Variants in UVRAG observed in about 807,000 individuals in gnomAD.
UVRAG encodes UV radiation resistance-associated gene protein.
UVRAG carries 19 observed loss-of-function variants against 78.0 expected under a neutral mutation model. The observed-to-expected ratio is 0.24, with a 90% CI of 0.17 to 0.36. The LOEUF is 0.36. Ranked by LOEUF, UVRAG falls within the 10% of genes least tolerant of loss-of-function variation. The pLI is 1.00. For synonymous variants in UVRAG, 323 were observed against 324.6 expected, an observed-to-expected ratio of 1.00 and a Z score of 0.05; for missense variants, 740 against 853.8, an observed-to-expected ratio of 0.87 and a Z score of 1.66.
chr11:75,852,510 A>G (rs1369372205), intron 2 of UVRAG, among the ~76,000 whole-genome samples: 2 of 152,314 alleles, frequency 1.3e-5, no homozygotes, highest in East Asian at 1.9e-4. Context: ...TTGATTAAAA[A>G]TGGCAACCAC....
At chr11:75,866,277 T>C (rs1034448161) in intron 3 of UVRAG, among the ~76,000 whole-genome samples, 2 of 151,530 alleles carry the variant, frequency 1.3e-5, no homozygotes, top group Non-Finnish European at 2.9e-5. Flanking sequence ...CCCAGTACTT[T>C]AGGAGGCTGA....
At chr11:76,025,092 C>G (rs1023829451) in intron 12 of UVRAG, among the ~76,000 whole-genome samples, 1 of 152,162 alleles carries the variant, frequency 6.6e-6, no homozygotes, top group African/African-American at 2.4e-5. Context: ...GTTTGAAACA[C>G]AGGCCTGGAC....
At chr11:75,980,997 T>C (rs548216838) in intron 7 of UVRAG, among the ~76,000 whole-genome samples, 1 of 152,300 alleles carries the variant, frequency 6.6e-6, no homozygotes, top group South Asian at 2.1e-4. Context: ...TTTATTTACC[T>C]TTTCAAAGAA....
At chr11:76,129,933 G>GCTCT (rs375415060) in intron 14 of UVRAG, among the ~76,000 whole-genome samples, 7 of 145,070 alleles carry the variant, frequency 4.8e-5, no homozygotes, top group African/African-American at 1.9e-4. Flanking sequence ...ACTCTCTCTC[G>GCTCT]CTCTCTCTCT....
At chr11:76,001,846 G>T (rs1323140830) in intron 8 of UVRAG, among the ~76,000 whole-genome samples, 5 of 152,160 alleles carry the variant, frequency 3.3e-5, no homozygotes, top group Admixed American at 3.3e-4. Flanking sequence ...AGATGGGGGG[G>T]CTTCTGCTTA....
At chr11:76,001,923 G>C (rs942319576) in intron 8 of UVRAG, among the ~76,000 whole-genome samples, 9 of 152,178 alleles carry the variant, frequency 5.9e-5, no homozygotes, top group Non-Finnish European at 1.0e-4. Flanking sequence ...TTATTTTTCA[G>C]CATGTTTAGT....
intron 13 of UVRAG, among the ~76,000 whole-genome samples, chr11:76,099,816 G>A (rs1591237152): frequency 6.6e-6 from 1 of 152,008 alleles, no homozygotes; most frequent in Non-Finnish European, 1.5e-5. Context: ...TTGTATTGAA[G>A]TATTTTATTG....
rs180748414 is a variant in UVRAG at position 75,906,968 on chromosome 11, T to C, written c.508-4986T>C. 1.7e-3 allele frequency among the ~76,000 whole-genome samples: 259 copies of C among 152,368 alleles called. 5 individuals are homozygous for C. The highest frequency in any genetic ancestry group is 5.7e-3 in the African/African-American group (239 of 41,590). On this transcript the variant is annotated intron_variant, in intron 5 of 14. Transcript: ENST00000356136. ...TTGGGATATGCGAATCTTCTAACTT[T>C]GTTCTCTTCAATATAATTTTGGCTA...
intron 13 of UVRAG, among the ~76,000 whole-genome samples, chr11:76,089,340 A>G (rs184569634): frequency 7.2e-5 from 11 of 152,284 alleles, no homozygotes; most frequent in African/African-American, 2.2e-4. Flanking sequence ...TCAAAGTGTT[A>G]TAGTGTTTTC....
intron 6 of UVRAG, among the ~76,000 whole-genome samples, chr11:75,951,910 C>A (rs1948711118): frequency 1.3e-5 from 2 of 152,072 alleles, no homozygotes; most frequent in Non-Finnish European, 2.9e-5. Flanking sequence ...ATTGGGATTG[C>A]TTTGGCTCTA....
At chr11:75,907,884 A>G (rs539816873) in intron 5 of UVRAG, among the ~76,000 whole-genome samples, 17 of 152,174 alleles carry the variant, frequency 1.1e-4, no homozygotes, top group Admixed American at 7.9e-4. Flanking sequence ...CATGGTGTAT[A>G]ATCTTTAAAA....
At chr11:75,938,099 A>T (rs972349253) in intron 6 of UVRAG, among the ~76,000 whole-genome samples, 2 of 150,892 alleles carry the variant, frequency 1.3e-5, no homozygotes, top group Non-Finnish European at 2.9e-5. Flanking sequence ...ACACACACAC[A>T]TATATATATT....
At chr11:75,970,912 A>G (rs1463277358) in intron 7 of UVRAG, among the ~76,000 whole-genome samples, 1 of 152,072 alleles carries the variant, frequency 6.6e-6, no homozygotes, top group African/African-American at 2.4e-5. Context: ...TTTACTCTTT[A>G]TGTTATACAG....
intron 6 of UVRAG, among the ~76,000 whole-genome samples, chr11:75,920,100 G>T (rs1253919396): frequency 8.0e-6 from 1 of 124,918 alleles, no homozygotes; most frequent in African/African-American, 3.1e-5. Context: ...ATTTTGGCTC[G>T]CTGCAACCTC....
At chr11:76,134,247 C>A (rs1207035896) in intron 14 of UVRAG, among the ~76,000 whole-genome samples, 2 of 151,190 alleles carry the variant, frequency 1.3e-5, no homozygotes, top group African/African-American at 4.9e-5. Flanking sequence ...AGGCATGAGC[C>A]ACCACACCTG....
rs1947749004 is a variant in UVRAG, at chr11:75,911,955, G to T, written c.509G>T (p.Gly170Val). The stretch of plus-strand genomic sequence containing the variant: ...AATTTGTTGGTTAATGTCTTTCAGG[G>T]TTATTCAAATGCTCAGAAGACTATT... ...GYYGAPFEHK[G>V]YSNAQKTILL... Residue 170 changes from glycine (G) to valine (V), a missense_variant and splice_region_variant, in exon 6 of 15, where the codon GGT (glycine) becomes GTT (valine). Coordinates refer to ENST00000356136, the MANE Select transcript of UVRAG (RefSeq NM_003369.4). 3.1e-6 allele frequency: 5 copies of T among 1,605,078 alleles called. No homozygotes were observed. In the East Asian group the frequency reaches 6.7e-5, roughly 22 times the overall value.
chr11:76,056,708 C>A (rs960384430), intron 12 of UVRAG, among the ~76,000 whole-genome samples: 1 of 152,196 alleles, frequency 6.6e-6, no homozygotes, highest in Non-Finnish European at 1.5e-5. Context: ...GTTTTCTTGG[C>A]AAGAATACTT....
rs140035120 is a variant in UVRAG at position 75,860,943 on chromosome 11, A to G, written c.236-803A>G. 5.0e-3 allele frequency among the ~76,000 whole-genome samples: 765 copies of G among 152,076 alleles called. 6 individuals are homozygous for G. Among genetic ancestry groups the G allele is most frequent in the African/African-American group, 0.017 (721 of 41,498 alleles). On this transcript the variant is annotated intron_variant, in intron 2 of 14. Transcript: ENST00000356136. ...AGGGATTACAAGCATGTGCCACCAC[A>G]CCTAATTTTTGTATTTTTAGTAGAG...
intron 14 of UVRAG, among the ~76,000 whole-genome samples, chr11:76,132,871 T>A (rs74887009): frequency 6.6e-6 from 1 of 152,158 alleles, no homozygotes; most frequent in South Asian, 2.1e-4. Flanking sequence ...AATGTAGATG[T>A]TTTGGTGACA....
Sources: allele counts gnomAD v4.1 joint callset (sites outside exome capture counted in the v4.1 genomes callset), GRCh38; gene constraint gnomAD v4.1.1; transcripts MANE v1.5; gene names NCBI Gene and HGNC (gene_info 2026-07-23, HGNC 2026-07-21).